Variants in PTPRN2 observed in about 807,000 individuals in gnomAD.
The protein encoded by PTPRN2 is protein tyrosine phosphatase receptor type N2.
A neutral mutation model predicts 118.8 loss-of-function variants in PTPRN2; 74 were observed. The observed-to-expected ratio is 0.62, with a 90% CI of 0.52 to 0.76. The LOEUF is 0.76. Ranked by LOEUF, PTPRN2 falls within the 30% of genes least tolerant of loss-of-function variation. The pLI is 0.00. For missense variants in PTPRN2, 1,481 were observed against 1,394.4 expected (o/e 1.06, Z -0.99); for synonymous variants, 641 against 608.0 (o/e 1.05, Z -0.80).
In PTPRN2 at chr7:157,974,822, C is replaced by G. The variant is rs1018087610; in HGVS notation, c.1724-76085G>C. 6.6e-6 allele frequency among the ~76,000 whole-genome samples: 1 copy of G among 151,934 alleles called. No individual in the cohort carries two copies. Among genetic ancestry groups the G allele is most frequent in the African/African-American group, 2.4e-5 (1 of 41,350 alleles). ...CACAGGGCAGAAGTGGGCGCAGTGTCTGTGGGTGAAGAGCTGTGCGGGCGG... is the reference window on the plus strand; with the variant it reads ...CACAGGGCAGAAGTGGGCGCAGTGTGTGTGGGTGAAGAGCTGTGCGGGCGG... On this transcript the variant is annotated intron_variant, in intron 11 of 22. Coordinates refer to ENST00000389418, the MANE Select transcript of PTPRN2 (RefSeq NM_002847.5). This position sits in a 1 kb window ranked among gnomAD's most constrained non-coding sequence, Gnocchi z 4.0.
At chr7:158,103,503 G>T (rs1173562222) in intron 10 of PTPRN2, among the ~76,000 whole-genome samples, 1 of 152,172 alleles carries the variant, frequency 6.6e-6, no homozygotes, top group Non-Finnish European at 1.5e-5. Flanking sequence ...TCCGAGGCAG[G>T]GCCCACTCTC....
chr7:158,100,244 GGT>G (rs3065708), intron 10 of PTPRN2, among the ~76,000 whole-genome samples: 24,393 of 147,116 alleles, frequency 0.17, 2,029 homozygotes, highest in South Asian at 0.24. Flanking sequence ...TATTCCATGG[GGT>G]GTGTGTGTGT....
intron 2 of PTPRN2, among the ~76,000 whole-genome samples, chr7:158,469,918 A>G (rs1262773614): frequency 6.6e-6 from 1 of 152,200 alleles, no homozygotes; most frequent in Non-Finnish European, 1.5e-5. Context: ...CTATTGCATC[A>G]TAACGGGCTG....
At chr7:158,007,097 CA>C (rs1805681854) in intron 11 of PTPRN2, among the ~76,000 whole-genome samples, 1 of 152,210 alleles carries the variant, frequency 6.6e-6, no homozygotes, top group Non-Finnish European at 1.5e-5. Flanking sequence ...GCTTCTTCTC[CA>C]GTGTCTCTTC....
intron 11 of PTPRN2, among the ~76,000 whole-genome samples, chr7:158,040,736 C>CTTTCTT (rs369421636): frequency 1.4e-5 from 2 of 142,206 alleles, no homozygotes; most frequent in African/African-American, 5.2e-5. Flanking sequence ...TTTTTTCTTT[C>CTTTCTT]TTTTTTTTTT....
At chr7:157,962,363 G>A (rs1330462772) in intron 11 of PTPRN2, among the ~76,000 whole-genome samples, 2 of 151,994 alleles carry the variant, frequency 1.3e-5, no homozygotes, top group Non-Finnish European at 2.9e-5. Context: ...CAGCGGGAGC[G>A]TTATTCCCCT....
At chr7:158,229,465 A>G (rs759974995) in intron 3 of PTPRN2, among the ~76,000 whole-genome samples, 1 of 152,112 alleles carries the variant, frequency 6.6e-6, no homozygotes, top group Non-Finnish European at 1.5e-5. Context: ...AATTCAAAAT[A>G]GCAGTTTTAA....
intron 2 of PTPRN2, among the ~76,000 whole-genome samples, chr7:158,351,292 T>C (rs562768927): frequency 3.0e-4 from 46 of 152,220 alleles, no homozygotes; most frequent in African/African-American, 9.9e-4. Context: ...CACTGCACAC[T>C]ATTCCCCAGC....
At chr7:157,742,933 T>G (rs1800716309) in intron 12 of PTPRN2, among the ~76,000 whole-genome samples, 1 of 152,240 alleles carries the variant, frequency 6.6e-6, no homozygotes, top group Non-Finnish European at 1.5e-5. Context: ...CAGTTTAATC[T>G]GTCTTGAAAA....
At chr7:158,329,091 C>T (rs910090279) in intron 2 of PTPRN2, among the ~76,000 whole-genome samples, 6 of 152,200 alleles carry the variant, frequency 3.9e-5, no homozygotes, top group African/African-American at 1.4e-4. Flanking sequence ...ATGGCAAATC[C>T]AGCGGCGCAC....
chr7:157,933,752 G>A (rs1195692919), intron 11 of PTPRN2, among the ~76,000 whole-genome samples: 1 of 142,710 alleles, frequency 7.0e-6, no homozygotes, highest in African/African-American at 2.5e-5. Flanking sequence ...TTTAGAGGAG[G>A]GGTGAGTCAC....
rs1241411030 is a variant in PTPRN2 at position 158,570,510 on chromosome 7, C to T, written c.112+17048G>A. Among the ~76,000 whole-genome samples the T allele has an allele frequency of 6.6e-6, 1 of 152,204 alleles. No homozygotes were observed. The highest frequency in any genetic ancestry group is 1.5e-5 in the Non-Finnish European group (1 of 68,038). On this transcript the variant is annotated intron_variant, in intron 1 of 22. Coordinates refer to ENST00000389418, the MANE Select transcript of PTPRN2 (RefSeq NM_002847.5). This position sits in a 1 kb window ranked among gnomAD's most constrained non-coding sequence, Gnocchi z 4.5. ...AGCTCCGACCCCTCAACTGACGCGT[C>T]TCCCCGTGGTGGGTCCCGATCCCCC...
chr7:158,178,597 T>C (rs1467314365), intron 5 of PTPRN2, among the ~76,000 whole-genome samples: 33 of 138,100 alleles, frequency 2.4e-4, no homozygotes, highest in African/African-American at 8.7e-4. Context: ...TTCTTTTTTT[T>C]TTTTTTTTTT....
At chr7:158,441,017 C>T (rs28972151) in intron 2 of PTPRN2, among the ~76,000 whole-genome samples, 1 of 122,086 alleles carries the variant, frequency 8.2e-6, no homozygotes. Flanking sequence ...TGGTGGTAGT[C>T]GTGGTGGTGG....
intron 2 of PTPRN2, among the ~76,000 whole-genome samples, chr7:158,353,293 T>G (rs181904581): frequency 1.4e-3 from 218 of 152,106 alleles, no homozygotes; most frequent in African/African-American, 4.6e-3. Flanking sequence ...AAGGTCAGAG[T>G]CAAAAGATGA....
In PTPRN2 at chr7:158,166,982, T is replaced by C; in HGVS notation, c.859A>G (p.Lys287Glu). 1 of 1,457,912 alleles carries C rather than the reference T, an allele frequency of 6.9e-7. No homozygotes were observed. Among genetic ancestry groups the C allele is most frequent in the South Asian group, 1.5e-5 (1 of 68,442 alleles). 90.3% of individuals were successfully genotyped at this position (1,457,912 alleles called of 1,614,324 possible). A position where few individuals can be genotyped will look rare whatever the true frequency, so the allele number is the denominator to read the frequency against. Residue 287 changes from lysine (K) to glutamate (E), a missense_variant, in exon 6 of 23, where the codon AAG becomes GAG. Coordinates refer to ENST00000389418, the MANE Select transcript of PTPRN2 (RefSeq NM_002847.5). The stretch of plus-strand genomic sequence containing the variant: ...GAATCTCCCAGAGGTGAAGGCCACT[T>C]CTGGGGGGCGGCTGGTGCCAGCAAA... ...RPLLAPAAPQKWPSPLGDSED... is the reference protein window; with the variant it reads ...RPLLAPAAPQEWPSPLGDSED...
intron 2 of PTPRN2, among the ~76,000 whole-genome samples, chr7:158,358,439 C>T (rs1258482423): frequency 6.6e-6 from 1 of 152,156 alleles, no homozygotes; most frequent in Non-Finnish European, 1.5e-5. Flanking sequence ...ATTCGGCCGA[C>T]GGAAATGGTT....
intron 6 of PTPRN2, among the ~76,000 whole-genome samples, chr7:158,140,454 A>C (rs1242758545): frequency 2.0e-5 from 3 of 152,224 alleles, no homozygotes; most frequent in African/African-American, 7.2e-5. Context: ...CAGAGTCTAA[A>C]GTCCATGTGC....
intron 9 of PTPRN2, among the ~76,000 whole-genome samples, chr7:158,132,197 G>T (rs1178285115): frequency 6.8e-6 from 1 of 146,572 alleles, no homozygotes; most frequent in Non-Finnish European, 1.5e-5. Flanking sequence ...CACACGCACA[G>T]ATACACACAA....
Sources: allele counts gnomAD v4.1 joint callset (sites outside exome capture counted in the v4.1 genomes callset), GRCh38; gene constraint gnomAD v4.1.1; non-coding constraint Gnocchi (gnomAD v3.1); transcripts MANE v1.5; gene names NCBI Gene and HGNC (gene_info 2026-07-23, HGNC 2026-07-21).